CADM2: variants seen among roughly 807,000 people sequenced by gnomAD.
CADM2 encodes the protein immunoglobulin superfamily member 4D.
CADM2 carries 12 observed loss-of-function variants against 49.8 expected under a neutral mutation model. The ratio of observed to expected loss-of-function variants is 0.24; its 90% CI spans 0.15 to 0.39. The LOEUF (loss-of-function observed/expected upper bound fraction) is 0.39, where lower values mean the gene tolerates loss of function less well. CADM2 is among the 10% of genes least tolerant of loss of function. The pLI, the probability that CADM2 is intolerant of heterozygous loss-of-function variation, is 1.00. For synonymous variants in CADM2, 214 were observed against 175.4 expected, an observed-to-expected ratio of 1.22 and a Z score of -1.74; for missense variants, 378 against 492.3, an observed-to-expected ratio of 0.77 and a Z score of 2.20.
chr3:85,492,831 T>C (rs2039732170), intron 1 of CADM2, among the ~76,000 whole-genome samples: 1 of 152,060 alleles, frequency 6.6e-6, no homozygotes, highest in Admixed American at 6.6e-5. Context: ...TGCCAAACAA[T>C]AAAGGTGTCA....
In CADM2 at chr3:85,418,218, C is replaced by G. The variant is rs530016014; in HGVS notation, c.62-308304C>G. Among the ~76,000 whole-genome samples the G allele has an allele frequency of 3.4e-3, 334 of 97,932 alleles. 3 individuals carry two copies. Among genetic ancestry groups the G allele is most frequent in the African/African-American group, 9.5e-3 (316 of 33,372 alleles). The allele number at this position is 97,932 out of a possible 152,430, so 64.2% of individuals were successfully genotyped here. The stretch of plus-strand genomic sequence containing the variant: ...TGCATAATAAAGTAATGGTAGCTAC[C>G]TATCATACATTTGTCAAAATCCATA... On this transcript the variant is annotated intron_variant, in intron 1 of 9. Transcript: ENST00000383699.
intron 1 of CADM2, among the ~76,000 whole-genome samples, chr3:85,502,639 A>G (rs1205883748): frequency 1.3e-5 from 2 of 152,152 alleles, no homozygotes; most frequent in East Asian, 3.9e-4. Context: ...AAAAAAATGT[A>G]GCAGTCTTTC....
chr3:85,412,490 T>C (rs1241567081), intron 1 of CADM2, among the ~76,000 whole-genome samples: 1 of 151,810 alleles, frequency 6.6e-6, no homozygotes, highest in Non-Finnish European at 1.5e-5. Context: ...AGTTTGTATT[T>C]ATGCCAAAAC....
At chr3:85,348,499 G>T (rs1311001054) in intron 1 of CADM2, among the ~76,000 whole-genome samples, 3 of 151,976 alleles carry the variant, frequency 2.0e-5, no homozygotes, top group Non-Finnish European at 2.9e-5. Context: ...AAGCCTCTTG[G>T]GAAATCAGCT....
rs1559644721 is a variant in CADM2 at position 85,769,580 on chromosome 3, TAC to T, written c.89-32465_89-32464del. On this transcript the variant is annotated intron_variant, in intron 2 of 9. Coordinates refer to ENST00000383699, the MANE Select transcript of CADM2 (RefSeq NM_001167675.2). ...GTATATATACACGTATATACATATA[TAC>T]ATATATAGTATATACACATATATAC... Among the ~76,000 whole-genome samples, 79 of 119,668 alleles carry T rather than the reference TAC, an allele frequency of 6.6e-4. 2 individuals are homozygous for T. The highest frequency in any genetic ancestry group is 2.4e-3 in the African/African-American group (70 of 29,186). The allele number at this position is 119,668 out of a possible 152,430, so 78.5% of individuals were successfully genotyped here.
At chr3:85,819,904 TGA>T (rs1165949902) in intron 3 of CADM2, among the ~76,000 whole-genome samples, 1 of 152,204 alleles carries the variant, frequency 6.6e-6, no homozygotes, top group East Asian at 1.9e-4. Flanking sequence ...ATGGTTTGTC[TGA>T]GAGTGCAAAA....
At position 85,789,125 on chromosome 3, in the gene CADM2, T is replaced by C. The variant is rs575841019; in HGVS notation, c.89-12922T>C. Among the ~76,000 whole-genome samples, 2 of 152,224 alleles carry C rather than the reference T, an allele frequency of 1.3e-5. 1 individual carries two copies. The highest frequency in any genetic ancestry group is 4.8e-5 in the African/African-American group (2 of 41,552). On this transcript the variant is annotated intron_variant, in intron 2 of 9. Transcript: ENST00000383699. ...TCAATTGCCTCCAGAAAATTGATTA[T>C]TGTATGCTCAGCACTATATTCCTCA... is the stretch of plus-strand genomic sequence containing the variant.
chr3:85,138,523 G>T (rs1043002537), intron 1 of CADM2, among the ~76,000 whole-genome samples: 25 of 152,104 alleles, frequency 1.6e-4, no homozygotes, highest in African/African-American at 6.0e-4. Context: ...ATCTAAGAAG[G>T]TATTTTTCTT....
At chr3:85,829,613 C>T (rs1223570585) in intron 3 of CADM2, among the ~76,000 whole-genome samples, 1 of 151,874 alleles carries the variant, frequency 6.6e-6, no homozygotes, top group Non-Finnish European at 1.5e-5. Context: ...TACCTTGGAT[C>T]CCCAGACCTT....
chr3:85,136,315 T>G (rs1219004288), intron 1 of CADM2, among the ~76,000 whole-genome samples: 1 of 150,048 alleles, frequency 6.7e-6, no homozygotes, highest in Admixed American at 6.7e-5. Flanking sequence ...GATAATCTAG[T>G]AGCAATTAGG....
chr3:85,936,902 A>AGAT (rs1214082047), intron 7 of CADM2, among the ~76,000 whole-genome samples: 5 of 151,748 alleles, frequency 3.3e-5, no homozygotes, highest in African/African-American at 1.2e-4. Context: ...TATTTTAAAG[A>AGAT]GATTGTTTTT....
At chr3:85,920,625 C>T (rs998175830) in intron 6 of CADM2, among the ~76,000 whole-genome samples, 3 of 151,598 alleles carry the variant, frequency 2.0e-5, no homozygotes, top group Non-Finnish European at 4.4e-5. Flanking sequence ...ATTAATGGCA[C>T]ATTTTGCTCA....
At chr3:85,320,716 T>A (rs2044576770) in intron 1 of CADM2, among the ~76,000 whole-genome samples, 1 of 152,144 alleles carries the variant, frequency 6.6e-6, no homozygotes, top group African/African-American at 2.4e-5. Context: ...CCCTTAGTAA[T>A]GTAGCTTGGT....
chr3:85,693,882 C>T (rs1277067997), intron 1 of CADM2, among the ~76,000 whole-genome samples: 16 of 126,474 alleles, frequency 1.3e-4, no homozygotes, highest in African/African-American at 4.5e-4. Flanking sequence ...GGCTACAGAG[C>T]AAGACTCCCT....
intron 1 of CADM2, among the ~76,000 whole-genome samples, chr3:85,719,013 A>G (rs1433380436): frequency 6.6e-6 from 1 of 151,548 alleles, no homozygotes; most frequent in African/African-American, 2.4e-5. Context: ...TTCACATTCA[A>G]GCAATTCTCC....
chr3:85,074,622 T>C (rs1357917411), intron 1 of CADM2, among the ~76,000 whole-genome samples: 1 of 152,232 alleles, frequency 6.6e-6, no homozygotes, highest in East Asian at 1.9e-4. Flanking sequence ...TTCCTACAGT[T>C]TGGATTTGCA....
intron 1 of CADM2, among the ~76,000 whole-genome samples, chr3:85,095,306 T>G (rs1198604872): frequency 6.6e-6 from 1 of 152,160 alleles, no homozygotes; most frequent in African/African-American, 2.4e-5. Flanking sequence ...TGGTCTAAAG[T>G]GGGACTTCTC....
intron 3 of CADM2, among the ~76,000 whole-genome samples, chr3:85,864,736 G>A (rs2075661090): frequency 6.6e-6 from 1 of 152,028 alleles, no homozygotes; most frequent in Admixed American, 6.6e-5. Flanking sequence ...TTATGTCAAT[G>A]GAAATTATTC....
chr3:85,532,446 T>C (rs1219672637), intron 1 of CADM2, among the ~76,000 whole-genome samples: 1 of 152,224 alleles, frequency 6.6e-6, no homozygotes, highest in East Asian at 1.9e-4. Flanking sequence ...GTATTTTAAA[T>C]ATCTTTAAAT....
Sources: allele counts gnomAD v4.1 joint callset (sites outside exome capture counted in the v4.1 genomes callset), GRCh38; gene constraint gnomAD v4.1.1; transcripts MANE v1.5; gene names NCBI Gene and HGNC (gene_info 2026-07-23, HGNC 2026-07-21).